Variants in ABLIM1 observed in about 807,000 individuals in gnomAD.
ABLIM1 encodes actin binding LIM protein 1, also known as actin-binding LIM protein 1.
Under a neutral mutation model 107.0 loss-of-function variants are expected in ABLIM1, and 40 were observed. The observed-to-expected ratio is 0.37, with a 90% CI of 0.29 to 0.49. The LOEUF is 0.49. Among genes scored for constraint, ABLIM1 ranks in the 20% least tolerant of loss-of-function variants. The pLI is 0.97. For synonymous variants in ABLIM1, 357 were observed against 357.3 expected, an observed-to-expected ratio of 1.00 and a Z score of 0.01; for missense variants, 857 against 1,008.5, an observed-to-expected ratio of 0.85 and a Z score of 2.04.
At chr10:114,519,793 G>A (rs2063458847) in intron 6 of ABLIM1, among the ~76,000 whole-genome samples, 1 of 152,148 alleles carries the variant, frequency 6.6e-6, no homozygotes, top group African/African-American at 2.4e-5. Context: ...TACCCCCAGT[G>A]CTGAGGGCCT....
intron 1 of ABLIM1, among the ~76,000 whole-genome samples, chr10:114,679,003 T>A (rs1312481914): frequency 6.6e-6 from 1 of 152,176 alleles, no homozygotes; most frequent in Non-Finnish European, 1.5e-5. Context: ...TAACTTTGAA[T>A]GCCCTCTCAC....
intron 1 of ABLIM1, among the ~76,000 whole-genome samples, chr10:114,683,225 G>A (rs898875051): frequency 3.9e-5 from 6 of 152,226 alleles, no homozygotes; most frequent in South Asian, 2.1e-4. Context: ...GACCACCCAC[G>A]TGGGGCCATC....
intron 1 of ABLIM1, among the ~76,000 whole-genome samples, chr10:114,690,920 G>C (rs1306455577): frequency 6.6e-6 from 1 of 152,176 alleles, no homozygotes; most frequent in African/African-American, 2.4e-5. Flanking sequence ...GACCTCAACT[G>C]ATCCTCCTGC....
intron 3 of ABLIM1, 23 bp downstream of exon 3, chr10:114,575,393 T>A (rs2072378743): frequency 6.2e-7 from 1 of 1,609,900 alleles, no homozygotes; most frequent in African/African-American, 1.3e-5. Flanking sequence ...AGGTGTAGGC[T>A]TTGGAAAGAT....
At chr10:114,453,961 A>AC (rs1394342280) in intron 12 of ABLIM1, among the ~76,000 whole-genome samples, 2 of 152,142 alleles carry the variant, frequency 1.3e-5, no homozygotes, top group Non-Finnish European at 2.9e-5. Flanking sequence ...AAGTCTGGGA[A>AC]CCCGTGTGGT....
chr10:114,438,732 G>A (rs2059772655), intron 21 of ABLIM1, among the ~76,000 whole-genome samples: 1 of 152,230 alleles, frequency 6.6e-6, no homozygotes, highest in Non-Finnish European at 1.5e-5. Flanking sequence ...CAGGGAGCAT[G>A]AGCCCTTGGA....
chr10:114,692,510 A>G (rs1264136204), intron 1 of ABLIM1, among the ~76,000 whole-genome samples: 1 of 152,196 alleles, frequency 6.6e-6, no homozygotes, highest in African/African-American at 2.4e-5. Flanking sequence ...TATTTCCCCA[A>G]AAAACCTTTC....
intron 1 of ABLIM1, among the ~76,000 whole-genome samples, chr10:114,756,314 A>G (rs1012326810): frequency 8.5e-5 from 13 of 152,124 alleles, no homozygotes; most frequent in Admixed American, 6.5e-4. Context: ...TTTAATTAAT[A>G]TAGTTTCATA....
intron 8 of ABLIM1, among the ~76,000 whole-genome samples, chr10:114,479,154 C>T (rs2056956272): frequency 1.3e-5 from 2 of 152,162 alleles, no homozygotes; most frequent in South Asian, 2.1e-4. Context: ...GGTGTACCAG[C>T]ATAACTATGT....
intron 12 of ABLIM1, among the ~76,000 whole-genome samples, chr10:114,456,607 A>G (rs936449852): frequency 1.3e-5 from 2 of 152,160 alleles, no homozygotes; most frequent in Non-Finnish European, 2.9e-5. Context: ...AATCAAATGA[A>G]CCCCCATTAA....
At chr10:114,520,176 C>G (rs1469563698) in intron 6 of ABLIM1, among the ~76,000 whole-genome samples, 1 of 152,212 alleles carries the variant, frequency 6.6e-6, no homozygotes, top group Non-Finnish European at 1.5e-5. Context: ...AGACAGAAGT[C>G]TTAATCATTT....
At chr10:114,601,049 TACAC>T (rs59709817) in intron 2 of ABLIM1, among the ~76,000 whole-genome samples, 1,940 of 128,394 alleles carry the variant, frequency 0.015, 29 homozygotes, top group African/African-American at 0.042. Flanking sequence ...CACATCTCAA[TACAC>T]ACACACACAC....
At chr10:114,503,514 T>C (rs2060713450) in intron 6 of ABLIM1, among the ~76,000 whole-genome samples, 1 of 152,190 alleles carries the variant, frequency 6.6e-6, no homozygotes, top group Non-Finnish European at 1.5e-5. Context: ...CCTGCCCATG[T>C]CTTTTGGTAA....
chr10:114,592,507 G>C (rs539630198), intron 2 of ABLIM1, among the ~76,000 whole-genome samples: 50 of 152,186 alleles, frequency 3.3e-4, no homozygotes, highest in Non-Finnish European at 2.5e-4. Flanking sequence ...AGAAGTTCTT[G>C]GGAAAGGTGA....
chr10:114,449,979 C>A, intron 14 of ABLIM1: 1 of 190,796 alleles, frequency 5.2e-6, no homozygotes, highest in South Asian at 1.1e-4. Flanking sequence ...AACAAATAAT[C>A]TAACATTATC....
At chr10:114,640,952 A>G (rs1268989243) in intron 1 of ABLIM1, among the ~76,000 whole-genome samples, 3 of 152,156 alleles carry the variant, frequency 2.0e-5, no homozygotes, top group Non-Finnish European at 4.4e-5. Context: ...GTGTTGGGTG[A>G]GAATAACAGG....
chr10:114,628,273 C>T (rs776698417), intron 1 of ABLIM1, among the ~76,000 whole-genome samples: 8 of 152,226 alleles, frequency 5.3e-5, no homozygotes, highest in Non-Finnish European at 7.3e-5. Flanking sequence ...CAATCCTGCT[C>T]GCCAAAGGGC....
At chr10:114,545,185 A>T in intron 5 of ABLIM1, 87 bp from the exon 6 acceptor site, 1 of 1,190,014 alleles carries the variant, frequency 8.4e-7, no homozygotes, top group Non-Finnish European at 1.3e-6. Context: ...AGGCCTTTCC[A>T]CAGAAGGGCA....
At chr10:114,772,136 T>C (rs1038530366), upstream of ABLIM1, among the ~76,000 whole-genome samples, 7 of 152,178 alleles carry the variant, frequency 4.6e-5, no homozygotes, top group East Asian at 9.7e-4. Flanking sequence ...TACTATGTAA[T>C]AGGCAATGAG....
Sources: gnomAD v4.1 joint callset for allele counts (sites outside exome capture counted in the v4.1 genomes callset) on GRCh38, gnomAD v4.1.1 for gene constraint, MANE v1.5 for transcripts, NCBI Gene and HGNC (gene_info 2026-07-23, HGNC 2026-07-21) for gene names.